RARB: variants seen among roughly 807,000 people sequenced by gnomAD.
The protein encoded by RARB is retinoic acid receptor beta.
RARB carries 17 observed loss-of-function variants against 51.9 expected under a neutral mutation model. The observed-to-expected ratio is 0.33, with a 90% CI of 0.22 to 0.49. The LOEUF (loss-of-function observed/expected upper bound fraction) is 0.49, where lower values mean the gene tolerates loss of function less well. RARB is among the 20% of genes least tolerant of loss of function. The pLI is 0.99. For synonymous variants in RARB, 215 were observed against 195.4 expected (o/e 1.10, Z -0.84); for missense variants, 369 against 550.8 (o/e 0.67, Z 3.30).
intron 2 of RARB, among the ~76,000 whole-genome samples, chr3:24,981,069 C>A (rs1696655846): frequency 6.6e-6 from 1 of 152,180 alleles, no homozygotes; most frequent in Admixed American, 6.5e-5. Context: ...CACTCCAGAC[C>A]TTGTTTGCCT....
chr3:24,950,543 T>G (rs964937859), intron 2 of RARB, among the ~76,000 whole-genome samples: 1 of 152,180 alleles, frequency 6.6e-6, no homozygotes. Flanking sequence ...TATCACAGAT[T>G]AGCTTGCCTG....
intron 5 of RARB, among the ~76,000 whole-genome samples, chr3:25,272,802 C>G (rs1259833696): frequency 2.6e-5 from 4 of 152,180 alleles, no homozygotes; most frequent in Non-Finnish European, 5.9e-5. Context: ...ACAGGAGACT[C>G]CGGTTTGATT....
chr3:25,594,483 T>C (rs1329597036), intron 6 of RARB, 37 bp from the exon 7 acceptor site: 1 of 1,558,246 alleles, frequency 6.4e-7, no homozygotes. Context: ...AGGGCATAAA[T>C]CCTGATTTTG....
At chr3:24,854,747 A>G (rs1218380275) in intron 1 of RARB, among the ~76,000 whole-genome samples, 1 of 152,156 alleles carries the variant, frequency 6.6e-6, no homozygotes, top group African/African-American at 2.4e-5. Flanking sequence ...TATTCTCAAG[A>G]TGCCAGGTGG....
intron 2 of RARB, among the ~76,000 whole-genome samples, chr3:24,898,568 A>G (rs552158791): frequency 2.0e-5 from 3 of 152,292 alleles, no homozygotes; most frequent in African/African-American, 7.2e-5. Flanking sequence ...ACTGGAAGGC[A>G]CGATGCCCAC....
intron 5 of RARB, among the ~76,000 whole-genome samples, chr3:25,328,451 C>T (rs187156245): frequency 1.1e-4 from 17 of 152,332 alleles, no homozygotes; most frequent in Admixed American, 6.5e-4. Flanking sequence ...ACCCAAGAAG[C>T]AGAGGTTGCA....
At chr3:25,301,443 A>T (rs773006092) in intron 5 of RARB, among the ~76,000 whole-genome samples, 4 of 94,400 alleles carry the variant, frequency 4.2e-5, no homozygotes, top group Non-Finnish European at 1.0e-4. Context: ...TGTGCTGGTG[A>T]TATAACCATG....
At chr3:25,405,336 CAGTG>C (rs1707377018) in intron 5 of RARB, among the ~76,000 whole-genome samples, 1 of 152,164 alleles carries the variant, frequency 6.6e-6, no homozygotes, top group African/African-American at 2.4e-5. Flanking sequence ...CTGGGCAACA[CAGTG>C]AGACCCTGTC....
intron 2 of RARB, among the ~76,000 whole-genome samples, chr3:24,903,663 T>C (rs1694774999): frequency 6.6e-6 from 1 of 152,128 alleles, no homozygotes; most frequent in African/African-American, 2.4e-5. Flanking sequence ...ATACCCAGCA[T>C]GGTGTCTTTA....
intron 5 of RARB, among the ~76,000 whole-genome samples, chr3:25,587,493 T>G (rs1307193820): frequency 6.6e-6 from 1 of 152,250 alleles, no homozygotes; most frequent in African/African-American, 2.4e-5. Flanking sequence ...TAAAATAGAT[T>G]ATTAAAATAA....
chr3:25,336,647 A>G (rs532875811), intron 5 of RARB, among the ~76,000 whole-genome samples: 1 of 152,294 alleles, frequency 6.6e-6, no homozygotes, highest in Non-Finnish European at 1.5e-5. Context: ...ATGGTACTTG[A>G]AACAAATTCT....
chr3:25,347,235 T>A (rs927259724), intron 5 of RARB, among the ~76,000 whole-genome samples: 2 of 152,174 alleles, frequency 1.3e-5, no homozygotes, highest in African/African-American at 4.8e-5. Context: ...TCTGATGAAA[T>A]TACTAAGGTG....
intron 5 of RARB, among the ~76,000 whole-genome samples, chr3:25,396,110 T>C (rs1043168404): frequency 2.0e-5 from 3 of 152,224 alleles, no homozygotes; most frequent in Admixed American, 6.5e-5. Flanking sequence ...AGAACCAGAC[T>C]GTAGTGACTG....
chr3:25,448,326 T>A (rs1709040731), intron 1 of RARB, among the ~76,000 whole-genome samples: 1 of 152,158 alleles, frequency 6.6e-6, no homozygotes, highest in Non-Finnish European at 1.5e-5. Context: ...TTAACATTTT[T>A]AAAAAAGAAA....
At chr3:25,002,352 A>C (rs992322885) in intron 2 of RARB, among the ~76,000 whole-genome samples, 3 of 152,160 alleles carry the variant, frequency 2.0e-5, no homozygotes, top group African/African-American at 7.2e-5. Flanking sequence ...GGAGATGTTC[A>C]CACACTGTAT....
intron 5 of RARB, among the ~76,000 whole-genome samples, chr3:25,381,311 A>G (rs1483339365): frequency 6.6e-6 from 1 of 152,178 alleles, no homozygotes; most frequent in Non-Finnish European, 1.5e-5. Context: ...TGGGAAAAGA[A>G]AGGGGGTTGA....
At chr3:25,288,389 G>A (rs1703706857) in intron 5 of RARB, among the ~76,000 whole-genome samples, 1 of 152,184 alleles carries the variant, frequency 6.6e-6, no homozygotes, top group Non-Finnish European at 1.5e-5. Flanking sequence ...AGACTGTAGT[G>A]AGAATTACTG....
chr3:25,309,343 G>A (rs1224189046), intron 5 of RARB, among the ~76,000 whole-genome samples: 3 of 150,224 alleles, frequency 2.0e-5, no homozygotes, highest in Non-Finnish European at 4.4e-5. Flanking sequence ...GTTTCACCGT[G>A]TTAGCCAGGC....
At chr3:25,192,239 G>T (rs1024533685) in intron 5 of RARB, among the ~76,000 whole-genome samples, 2 of 152,114 alleles carry the variant, frequency 1.3e-5, no homozygotes, top group African/African-American at 4.8e-5. Flanking sequence ...ACATAAGACT[G>T]AAGCATAGTA....
Sources: gnomAD v4.1 joint callset for allele counts (sites outside exome capture counted in the v4.1 genomes callset) on GRCh38, gnomAD v4.1.1 for gene constraint, MANE v1.5 for transcripts, NCBI Gene and HGNC (gene_info 2026-07-23, HGNC 2026-07-21) for gene names.